Variants in ZNF334 observed in about 807,000 individuals in gnomAD.
The protein encoded by ZNF334 is zinc finger protein 334.
In ZNF334, 14 loss-of-function variants were observed where a neutral mutation model predicts 12.4. That is an observed-to-expected ratio of 1.13 (90% CI 0.74 to 1.76). The LOEUF is 1.76. Ranked by LOEUF, ZNF334 falls within the 40% of genes most tolerant of loss-of-function variation. The probability of loss-of-function intolerance (pLI) is 0.00; values close to 1 mark genes in which losing one functional copy is unlikely to be tolerated. For missense variants in ZNF334, 797 were observed against 804.5 expected, an observed-to-expected ratio of 0.99 and a Z score of 0.11; for synonymous variants, 273 against 269.6, an observed-to-expected ratio of 1.01 and a Z score of -0.12.
rs2061205347 is a variant in ZNF334 at position 46,502,046 on chromosome 20, C to T, written c.1293G>A (p.Lys431=). The T allele has an allele frequency of 6.2e-7, 1 of 1,614,098 alleles. No individual in the cohort carries two copies. The highest frequency in any genetic ancestry group is 8.5e-7 in the Non-Finnish European group (1 of 1,180,008). ...TTCCACATTGACTGCATTCATAGGG[C>T]TTCTCTCCTGTATGACTTCTTCGAT... The part of the protein sequence containing the change: ...NVHRRSHTGE[K]PYECSQCGKF... The change falls in exon 5 of 5, where the codon AAG becomes AAA. Residue 431 remains lysine (K), a synonymous_variant. Transcript: ENST00000692313.
At position 46,502,436 on chromosome 20, in the gene ZNF334, G is replaced by A. The variant is rs772971285; in HGVS notation, c.903C>T (p.Thr301=). The change falls in exon 5 of 5, where the codon ACC becomes ACT. Residue 301 remains threonine, a synonymous_variant. Transcript: ENST00000692313. ...CAATAAGGGCAGATTTGTCAATGAA[G>A]GTTTTCCTGCATTCACTGCATTCAT... ...RPYECSECRK[T]FIDKSALIVH... 9 of 1,613,974 alleles carry A rather than the reference G, an allele frequency of 5.6e-6. No homozygotes were observed. Among genetic ancestry groups the A allele is most frequent in the South Asian group, 2.2e-5 (2 of 91,056 alleles).
At chr20:46,485,420 G>A in the ZNF334 span, 1 of 150,694 alleles carries the variant, frequency 6.6e-6, no homozygotes, top group Non-Finnish European at 1.5e-5. Context: ...TCGGAAAAGT[G>A]TCACAGAAGG....
chr20:46,504,152 C>G, intron 4 of ZNF334, 62 bp downstream of exon 4: 4 of 1,179,932 alleles, frequency 3.4e-6, no homozygotes, highest in Non-Finnish European at 4.8e-6. Flanking sequence ...CAACTATTAC[C>G]ACCGACCACC....
chr20:46,481,594 G>T, the ZNF334 span, among the ~76,000 whole-genome samples: 1 of 152,174 alleles, frequency 6.6e-6, no homozygotes, highest in African/African-American at 2.4e-5. Context: ...TGTTGGCAGC[G>T]CAGGGAGCAA....
At chr20:46,510,932 C>G (rs1327968800) in intron 2 of ZNF334, among the ~76,000 whole-genome samples, 1 of 151,650 alleles carries the variant, frequency 6.6e-6, no homozygotes, top group African/African-American at 2.4e-5. Context: ...CAGAGATGTT[C>G]AGCAAGAATC....
chr20:46,512,039 A>G, intron 2 of ZNF334, 43 bp downstream of exon 2: 1 of 1,603,372 alleles, frequency 6.2e-7, no homozygotes, highest in African/African-American at 1.3e-5. Flanking sequence ...AACCTCTTGA[A>G]ATTCACTGTA....
the ZNF334 span, chr20:46,481,461 G>A: frequency 6.6e-6 from 1 of 152,266 alleles, no homozygotes; most frequent in South Asian, 2.1e-4. Flanking sequence ...CTCAAGGACT[G>A]ACTGACCAAG....
chr20:46,474,943 G>C, the ZNF334 span, among the ~76,000 whole-genome samples: 1 of 152,148 alleles, frequency 6.6e-6, no homozygotes, highest in Non-Finnish European at 1.5e-5. Flanking sequence ...AGGGGGTGAA[G>C]GGACAGAAAG....
the ZNF334 span, among the ~76,000 whole-genome samples, chr20:46,493,298 C>T: frequency 6.6e-6 from 1 of 152,044 alleles, no homozygotes; most frequent in Non-Finnish European, 1.5e-5. Flanking sequence ...ATGATGCAAC[C>T]CTAATTTAAG....
At chr20:46,486,892 G>A in the ZNF334 span, among the ~76,000 whole-genome samples, 1 of 152,082 alleles carries the variant, frequency 6.6e-6, no homozygotes, top group African/African-American at 2.4e-5. Flanking sequence ...GTAAGATGAA[G>A]CTCACATGAT....
chr20:46,507,260 G>A (rs2061466960), intron 2 of ZNF334, among the ~76,000 whole-genome samples: 1 of 151,400 alleles, frequency 6.6e-6, no homozygotes, highest in South Asian at 2.1e-4. Flanking sequence ...GAAGGGGAAG[G>A]GGAAAGGAAA....
the ZNF334 span, among the ~76,000 whole-genome samples, chr20:46,469,556 T>C: frequency 6.6e-6 from 1 of 151,792 alleles, no homozygotes; most frequent in South Asian, 2.1e-4. Context: ...TATTTTTTAG[T>C]AGAGACGGGG....
chr20:46,481,391 T>G, the ZNF334 span: 1 of 152,216 alleles, frequency 6.6e-6, no homozygotes, highest in African/African-American at 2.4e-5. Flanking sequence ...CAAGATTTAG[T>G]ATTCATTCAA....
downstream of ZNF334, among the ~76,000 whole-genome samples, chr20:46,494,864 C>T (rs2060994890): frequency 6.6e-6 from 1 of 152,160 alleles, no homozygotes; most frequent in Admixed American, 6.6e-5. Flanking sequence ...TTTTCATTGA[C>T]ATCTAACACT....
the ZNF334 span, among the ~76,000 whole-genome samples, chr20:46,466,752 G>A: frequency 1.3e-5 from 2 of 152,106 alleles, no homozygotes; most frequent in Admixed American, 1.3e-4. Flanking sequence ...CCAAAGTGCT[G>A]GGATTACAGG....
downstream of ZNF334, among the ~76,000 whole-genome samples, chr20:46,495,285 C>T (rs985042763): frequency 6.6e-6 from 1 of 151,146 alleles, no homozygotes; most frequent in African/African-American, 2.4e-5. Flanking sequence ...TTTTAACTGC[C>T]GGTGCTCATT....
chr20:46,479,253 C>T, the ZNF334 span, among the ~76,000 whole-genome samples: 40 of 152,150 alleles, frequency 2.6e-4, 1 homozygote, highest in East Asian at 3.5e-3. Flanking sequence ...TCTTGCCTCC[C>T]TCTTTTAAGG....
chr20:46,468,046 A>T, the ZNF334 span, among the ~76,000 whole-genome samples: 3 of 152,178 alleles, frequency 2.0e-5, no homozygotes, highest in Non-Finnish European at 2.9e-5. Flanking sequence ...ACTTTGGGAG[A>T]TCTGTATGAT....
Position 46,512,142 on chromosome 20 carries a change from T to C in ZNF334, c.-38-2A>G. On this transcript the variant is annotated splice_acceptor_variant, in intron 1 of 4. Coordinates refer to ENST00000692313, the MANE Select transcript of ZNF334 (RefSeq NM_001353824.2). LOFTEE classifies it low-confidence loss of function (5UTR_SPLICE). The stretch of plus-strand genomic sequence containing the variant: ...GGGCCAAGAGTGTTGAAAGCAGAGC[T>C]GGGTAAGGAAGAATGGCGAATGGAA... 6.2e-7 allele frequency: 1 copy of C among 1,612,914 alleles called. No individual in the cohort carries two copies. The highest frequency in any genetic ancestry group is 8.5e-7 in the Non-Finnish European group (1 of 1,179,122).
Sources: gnomAD v4.1 joint callset for allele counts (sites outside exome capture counted in the v4.1 genomes callset) on GRCh38, gnomAD v4.1.1 for gene constraint, MANE v1.5 for transcripts, NCBI Gene and HGNC (gene_info 2026-07-23, HGNC 2026-07-21) for gene names.